FLT1: variants seen among roughly 807,000 people sequenced by gnomAD.
FLT1 encodes the protein vascular endothelial growth factor receptor 1.
Under a neutral mutation model 156.3 loss-of-function variants are expected in FLT1, and 49 were observed. The ratio of observed to expected loss-of-function variants is 0.31; its 90% CI spans 0.25 to 0.40. FLT1 has a LOEUF of 0.40. Ranked by LOEUF, FLT1 falls within the 10% of genes least tolerant of loss-of-function variation. FLT1 has a pLI of 1.00. For missense variants in FLT1, 1,322 were observed against 1,637.2 expected, an observed-to-expected ratio of 0.81 and a Z score of 3.32; for synonymous variants, 594 against 583.8, an observed-to-expected ratio of 1.02 and a Z score of -0.25.
chr13:28,332,859 G>A (rs2138844261), intron 18 of FLT1, among the ~76,000 whole-genome samples: 1 of 152,340 alleles, frequency 6.6e-6, no homozygotes, highest in South Asian at 2.1e-4. Context: ...TAGAAGACAT[G>A]TTGATGCCTC....
intron 10 of FLT1, among the ~76,000 whole-genome samples, chr13:28,407,068 T>C (rs2182007): frequency 0.44 from 66,744 of 151,834 alleles, 15,906 homozygotes; most frequent in Middle Eastern, 0.6. Flanking sequence ...GCTGACTTAA[T>C]GGTTCTGAGT....
At chr13:28,410,380 T>C (rs1247634646) in intron 10 of FLT1, among the ~76,000 whole-genome samples, 2 of 152,192 alleles carry the variant, frequency 1.3e-5, no homozygotes, top group Admixed American at 1.3e-4. Flanking sequence ...TCTTGGAGAA[T>C]TGGGTGGGAT....
intron 10 of FLT1, among the ~76,000 whole-genome samples, chr13:28,412,142 G>A (rs1340019851): frequency 3.3e-5 from 5 of 152,134 alleles, no homozygotes; most frequent in Non-Finnish European, 7.4e-5. Context: ...GGGCACAACC[G>A]GGGCTGGCCC....
intron 1 of FLT1, among the ~76,000 whole-genome samples, chr13:28,473,812 AAG>A (rs1203890445): frequency 1.5e-5 from 2 of 131,328 alleles, no homozygotes; most frequent in African/African-American, 6.3e-5. Flanking sequence ...GAAAGAAAGA[AAG>A]AAAGAAAGAA....
chr13:28,435,150 A>G (rs774031841), intron 4 of FLT1, among the ~76,000 whole-genome samples: 5 of 152,300 alleles, frequency 3.3e-5, no homozygotes, highest in Non-Finnish European at 7.3e-5. Flanking sequence ...TCTGGAAAGG[A>G]AACTCCCAGA....
At chr13:28,406,606 A>AT (rs1354313888) in intron 10 of FLT1, among the ~76,000 whole-genome samples, 1 of 148,584 alleles carries the variant, frequency 6.7e-6, no homozygotes, top group African/African-American at 2.5e-5. Context: ...GATTCTACAG[A>AT]TTTTTTAAAC....
intron 12 of FLT1, among the ~76,000 whole-genome samples, chr13:28,393,713 A>C (rs1156709136): frequency 1.3e-5 from 2 of 152,092 alleles, no homozygotes; most frequent in East Asian, 3.8e-4. Context: ...CAGCCTCCCA[A>C]GTAGGTGGGA....
chr13:28,482,508 A>G (rs1309586152), intron 1 of FLT1, among the ~76,000 whole-genome samples: 1 of 151,142 alleles, frequency 6.6e-6, no homozygotes, highest in East Asian at 1.9e-4. Context: ...AAAGAAAAAG[A>G]AAAAAAAAGA....
intron 17 of FLT1, 85 bp from the exon 18 acceptor site, chr13:28,334,214 A>G: frequency 3.5e-6 from 3 of 867,738 alleles, no homozygotes; most frequent in East Asian, 2.4e-5. Flanking sequence ...GCCTTTTCCT[A>G]TGTGTGCATG....
intron 13 of FLT1, chr13:28,386,751 A>T: frequency 9.5e-7 from 1 of 1,054,422 alleles, no homozygotes; most frequent in Non-Finnish European, 1.1e-6. Flanking sequence ...GACCCCAAAC[A>T]TATCAGTGAA....
intron 3 of FLT1, among the ~76,000 whole-genome samples, chr13:28,442,514 C>G (rs762983801): frequency 2.6e-5 from 4 of 152,168 alleles, no homozygotes; most frequent in Admixed American, 6.5e-5. Flanking sequence ...TTAAATTTTA[C>G]TACAGCTATT....
intron 6 of FLT1, among the ~76,000 whole-genome samples, chr13:28,433,185 G>A (rs915625025): frequency 2.6e-5 from 4 of 152,276 alleles, no homozygotes; most frequent in Non-Finnish European, 4.4e-5. Context: ...CAAAATTTCC[G>A]TAACAGTTTA....
chr13:28,304,253 C>G (rs916072826), intron 29 of FLT1, among the ~76,000 whole-genome samples: 3 of 152,158 alleles, frequency 2.0e-5, no homozygotes, highest in African/African-American at 7.2e-5. Flanking sequence ...AACAAAAGAG[C>G]AAGTATCCTA....
chr13:28,468,596 G>A (rs1458976805), intron 1 of FLT1, among the ~76,000 whole-genome samples: 5 of 152,180 alleles, frequency 3.3e-5, no homozygotes, highest in Admixed American at 2.0e-4. Flanking sequence ...TGTTGGAGGT[G>A]GGGCCTGATG....
At chr13:28,384,657 G>C (rs1874247100) in intron 14 of FLT1, among the ~76,000 whole-genome samples, 1 of 152,060 alleles carries the variant, frequency 6.6e-6, no homozygotes, top group Non-Finnish European at 1.5e-5. Flanking sequence ...ACTTCCAGCT[G>C]AATAGATTCT....
intron 3 of FLT1, among the ~76,000 whole-genome samples, chr13:28,456,178 T>C (rs1279937960): frequency 3.3e-5 from 5 of 152,224 alleles, no homozygotes; most frequent in Non-Finnish European, 7.3e-5. Context: ...TGGATGTTTA[T>C]AGCAGCTTTA....
At chr13:28,305,157 G>C (rs1436655316) in intron 29 of FLT1, among the ~76,000 whole-genome samples, 1 of 152,128 alleles carries the variant, frequency 6.6e-6, no homozygotes, top group Non-Finnish European at 1.5e-5. Flanking sequence ...AGTGTATGAG[G>C]GTTCCAATTT....
chr13:28,412,342 C>CTT (rs1217479245), intron 10 of FLT1, among the ~76,000 whole-genome samples: 4,237 of 76,350 alleles, frequency 0.055, 224 homozygotes, highest in Admixed American at 0.069. Context: ...TTCTTTCTTT[C>CTT]TTTCTTTCTC....
At chr13:28,333,446 G>A (rs1872001045) in intron 18 of FLT1, among the ~76,000 whole-genome samples, 1 of 152,192 alleles carries the variant, frequency 6.6e-6, no homozygotes. Context: ...AAGTCACTGT[G>A]TGATTTGGTT....
Sources: allele counts gnomAD v4.1 joint callset (sites outside exome capture counted in the v4.1 genomes callset), GRCh38; gene constraint gnomAD v4.1.1; transcripts MANE v1.5; gene names NCBI Gene and HGNC (gene_info 2026-07-23, HGNC 2026-07-21).